Variants in SERINC5 observed in about 807,000 individuals in gnomAD.
SERINC5 encodes the protein chromosome 5 open reading frame 12.
Under a neutral mutation model 63.1 loss-of-function variants are expected in SERINC5, and 41 were observed. That is an observed-to-expected ratio of 0.65 (90% CI 0.51 to 0.84). SERINC5 has a LOEUF of 0.84. Among genes scored for constraint, SERINC5 ranks in the 40% least tolerant of loss-of-function variants. The probability of loss-of-function intolerance (pLI) is 0.00; values close to 1 mark genes in which losing one functional copy is unlikely to be tolerated. For synonymous variants in SERINC5, 222 were observed against 215.2 expected, an observed-to-expected ratio of 1.03 and a Z score of -0.28; for missense variants, 523 against 573.0, an observed-to-expected ratio of 0.91 and a Z score of 0.89.
chr5:80,129,605 G>A (rs182019529), intron 11 of SERINC5, among the ~76,000 whole-genome samples: 2 of 152,274 alleles, frequency 1.3e-5, no homozygotes, highest in Admixed American at 1.3e-4. Flanking sequence ...CACTGTGCCT[G>A]GCAACAGCTG....
At chr5:80,116,570 A>G (rs1322878659) in intron 11 of SERINC5, among the ~76,000 whole-genome samples, 1 of 152,108 alleles carries the variant, frequency 6.6e-6, no homozygotes, top group Non-Finnish European at 1.5e-5. Flanking sequence ...CTCAGTGGGA[A>G]GAAGCTCAGT....
chr5:80,167,649 T>C (rs755261910), intron 6 of SERINC5, among the ~76,000 whole-genome samples: 49 of 152,214 alleles, frequency 3.2e-4, no homozygotes, highest in Admixed American at 2.3e-3. Flanking sequence ...GCCACCCTGC[T>C]TTCCACTATG....
chr5:80,197,872 A>C (rs905144050), intron 2 of SERINC5, among the ~76,000 whole-genome samples: 1 of 151,804 alleles, frequency 6.6e-6, no homozygotes, highest in Non-Finnish European at 1.5e-5. Flanking sequence ...ACAGAGTGTC[A>C]CTCTGTCGCC....
intron 1 of SERINC5, among the ~76,000 whole-genome samples, chr5:80,225,123 TAG>T (rs1751112760): frequency 6.6e-6 from 1 of 152,086 alleles, no homozygotes; most frequent in African/African-American, 2.4e-5. Context: ...GTATTTTTAG[TAG>T]AGACTGGGTT....
At chr5:80,237,883 T>A (rs940155785) in intron 1 of SERINC5, among the ~76,000 whole-genome samples, 1 of 151,568 alleles carries the variant, frequency 6.6e-6, no homozygotes, top group African/African-American at 2.4e-5. Flanking sequence ...GGCGGGTGGA[T>A]CACGAGGTCA....
chr5:80,253,601 T>C (rs890725761), intron 1 of SERINC5, among the ~76,000 whole-genome samples: 1 of 152,168 alleles, frequency 6.6e-6, no homozygotes, highest in Non-Finnish European at 1.5e-5. Context: ...TGCTCTTCTC[T>C]CTGACCTCAT....
Position 80,139,945 on chromosome 5 carries a change from T to C in SERINC5, c.*3718A>G, listed in dbSNP as rs1485267830. On this transcript the variant is annotated 3_prime_UTR_variant, in exon 12 of 12. Coordinates refer to ENST00000507668, the MANE Select transcript of SERINC5 (RefSeq NM_001174072.3). ...AGGCAATAAAGGGAGTGTAAAAGCC[T>C]AGGTAGCTTAAATACAGGCTCTGGA... The C allele has an allele frequency of 1.0e-6, 1 of 985,280 alleles. No individual in the cohort carries two copies. The highest frequency in any genetic ancestry group is 1.7e-5 in the African/African-American group (1 of 57,220). 61.0% of individuals were successfully genotyped at this position (985,280 alleles called of 1,614,324 possible). A position where few individuals can be genotyped will look rare whatever the true frequency, so the allele number is the denominator to read the frequency against.
At chr5:80,116,983 C>T (rs997227524) in intron 11 of SERINC5, among the ~76,000 whole-genome samples, 1 of 151,966 alleles carries the variant, frequency 6.6e-6, no homozygotes, top group African/African-American at 2.4e-5. Flanking sequence ...CGAGTGCCAC[C>T]AGGCCCATCT....
At chr5:80,255,564 T>C (rs976766050) in intron 1 of SERINC5, among the ~76,000 whole-genome samples, 13 of 152,186 alleles carry the variant, frequency 8.5e-5, no homozygotes, top group Non-Finnish European at 1.9e-4. Flanking sequence ...AGCTCAGCGC[T>C]ATTCACCAGT....
chr5:80,186,074 C>T (rs915944862), intron 2 of SERINC5, among the ~76,000 whole-genome samples: 1 of 129,996 alleles, frequency 7.7e-6, no homozygotes, highest in African/African-American at 2.8e-5. Flanking sequence ...GCTCTATTCA[C>T]TTTACCAAAG....
At chr5:80,168,746 A>G (rs908132158) in intron 6 of SERINC5, among the ~76,000 whole-genome samples, 2 of 152,242 alleles carry the variant, frequency 1.3e-5, no homozygotes, top group Non-Finnish European at 2.9e-5. Context: ...AAGCACTTTC[A>G]GATCCCACTG....
intron 1 of SERINC5, among the ~76,000 whole-genome samples, chr5:80,235,128 C>T (rs1274973438): frequency 2.0e-5 from 3 of 152,160 alleles, no homozygotes; most frequent in Non-Finnish European, 4.4e-5. Flanking sequence ...TTTCTACTTT[C>T]TATGATTTTG....
At chr5:80,198,828 A>C in intron 2 of SERINC5, 6 of 440,588 alleles carry the variant, frequency 1.4e-5, no homozygotes, top group Non-Finnish European at 1.5e-5. Flanking sequence ...CAGGGATCTC[A>C]TTCCCTACGC....
chr5:80,199,683 C>T (rs1182400808), intron 2 of SERINC5, among the ~76,000 whole-genome samples: 1 of 152,182 alleles, frequency 6.6e-6, no homozygotes, highest in Admixed American at 6.5e-5. Context: ...CTCCCTCTAA[C>T]GTCTCAATAA....
rs1239380154 is a variant in SERINC5 at position 80,175,065 on chromosome 5, G to A, written c.458-18C>T. 8.5e-6 allele frequency: 13 copies of A among 1,538,040 alleles called. No homozygotes were observed. Among genetic ancestry groups the A allele is most frequent in the Non-Finnish European group, 9.7e-6 (11 of 1,134,584 alleles). On this transcript the variant is annotated intron_variant, in intron 4 of 11. Transcript: ENST00000507668. ...GCGCCAGGCTGCAAAAGACCATGAA[G>A]AACACAATGAGGCAACCTTTCGTTG...
At chr5:80,235,453 T>A (rs993267543) in intron 1 of SERINC5, among the ~76,000 whole-genome samples, 4 of 152,230 alleles carry the variant, frequency 2.6e-5, no homozygotes, top group Non-Finnish European at 5.9e-5. Flanking sequence ...AAGAACATAT[T>A]TAATTATGAT....
intron 4 of SERINC5, among the ~76,000 whole-genome samples, chr5:80,177,042 T>C (rs746126354): frequency 1.2e-4 from 18 of 152,206 alleles, no homozygotes; most frequent in Non-Finnish European, 2.5e-4. Context: ...CTGGGTTTTC[T>C]GTGCAGTGCT....
At chr5:80,216,143 GC>G (rs956420792) in intron 1 of SERINC5, among the ~76,000 whole-genome samples, 1 of 152,146 alleles carries the variant, frequency 6.6e-6, no homozygotes, top group African/African-American at 2.4e-5. Context: ...TTCCTCAGGG[GC>G]AGGTCCTTCA....
rs1279519371 is a variant in SERINC5, at chr5:80,156,795, CT to C, written c.986+2040del. ...ACAACATTTTATTTATCATCTCTCA[CT>C]CAAGGGCCAACTCAGAAGAATTCTT... On this transcript the variant is annotated intron_variant, in intron 8 of 11. Coordinates refer to ENST00000507668, the MANE Select transcript of SERINC5 (RefSeq NM_001174072.3). 2.0e-5 allele frequency among the ~76,000 whole-genome samples: 3 copies of C among 152,086 alleles called. No individual in the cohort carries two copies. In the East Asian group the frequency reaches 5.8e-4, roughly 29 times the overall value.
Sources: allele counts gnomAD v4.1 joint callset (sites outside exome capture counted in the v4.1 genomes callset), GRCh38; gene constraint gnomAD v4.1.1; transcripts MANE v1.5; gene names NCBI Gene and HGNC (gene_info 2026-07-23, HGNC 2026-07-21).